The following LRRIQ3 variants were observed in gnomAD, a reference collection of about 807,000 sequenced individuals.
The protein encoded by LRRIQ3 is leucine rich repeats and IQ motif containing 3.
A neutral mutation model predicts 59.3 loss-of-function variants in LRRIQ3; 75 were observed. The observed-to-expected ratio is 1.26, with a 90% confidence interval of 1.05 to 1.53. The LOEUF (loss-of-function observed/expected upper bound fraction) is 1.53. Among genes scored for constraint, LRRIQ3 ranks in the 40% most tolerant of loss-of-function variants. The probability of loss-of-function intolerance (pLI) is 0.00; values close to 1 mark genes in which losing one functional copy is unlikely to be tolerated. For synonymous variants in LRRIQ3, 250 were observed against 231.3 expected (o/e 1.08, Z -0.73); for missense variants, 831 against 710.0 (o/e 1.17, Z -1.94).
At chr1:74,149,524 C>T (rs1050590364) in intron 4 of LRRIQ3, among the ~76,000 whole-genome samples, 6 of 152,072 alleles carry the variant, frequency 3.9e-5, no homozygotes, top group East Asian at 3.9e-4. Flanking sequence ...AAATTCTTTA[C>T]GTTGGTAATT....
At chr1:74,195,784 T>G (rs556642625) in intron 1 of LRRIQ3, among the ~76,000 whole-genome samples, 1 of 152,272 alleles carries the variant, frequency 6.6e-6, no homozygotes, top group African/African-American at 2.4e-5. Flanking sequence ...ATTGATATAT[T>G]TTACTCTGGT....
At chr1:74,180,643 ACT>A in intron 3 of LRRIQ3, 2 of 1,390,556 alleles carry the variant, frequency 1.4e-6, no homozygotes, top group Non-Finnish European at 2.0e-6. Context: ...TGAAAAGTAC[ACT>A]CAAATCTCTG....
intron 5 of LRRIQ3, among the ~76,000 whole-genome samples, chr1:74,100,299 C>T (rs764350077): frequency 1.3e-5 from 2 of 152,116 alleles, no homozygotes; most frequent in Non-Finnish European, 2.9e-5. Context: ...AGTGAACTCC[C>T]ATTCACAATT....
At chr1:74,133,463 A>G (rs1052068835) in intron 4 of LRRIQ3, among the ~76,000 whole-genome samples, 3 of 152,076 alleles carry the variant, frequency 2.0e-5, no homozygotes, top group Admixed American at 6.6e-5. Context: ...GAACCAACCC[A>G]AATGTCCAAC....
chr1:74,177,186 G>A (rs544076366), intron 3 of LRRIQ3, among the ~76,000 whole-genome samples: 1 of 152,124 alleles, frequency 6.6e-6, no homozygotes, highest in Non-Finnish European at 1.5e-5. Context: ...ATATGAAGGT[G>A]TAGGGGTTCT....
At chr1:74,105,421 T>C in intron 5 of LRRIQ3, among the ~76,000 whole-genome samples, 1 of 152,058 alleles carries the variant, frequency 6.6e-6, no homozygotes, top group Non-Finnish European at 1.5e-5. Context: ...TCAGCTAATT[T>C]TTGTATTTTT....
chr1:74,153,093 C>A (rs942450696), intron 4 of LRRIQ3, among the ~76,000 whole-genome samples: 1 of 151,924 alleles, frequency 6.6e-6, no homozygotes, highest in Non-Finnish European at 1.5e-5. Flanking sequence ...TATATTTTTT[C>A]CATTCTTTTT....
intron 3 of LRRIQ3, among the ~76,000 whole-genome samples, chr1:74,159,720 A>G (rs1264461030): frequency 6.6e-6 from 1 of 152,098 alleles, no homozygotes; most frequent in East Asian, 1.9e-4. Context: ...CTCCTGTCAG[A>G]CATTCTTTCT....
chr1:74,085,270 A>T (rs1376375156), intron 5 of LRRIQ3, among the ~76,000 whole-genome samples: 2 of 151,452 alleles, frequency 1.3e-5, no homozygotes, highest in Non-Finnish European at 3.0e-5. Context: ...TAAATAAATA[A>T]ATATTTTTTG....
intron 4 of LRRIQ3, among the ~76,000 whole-genome samples, chr1:74,131,912 A>C (rs1168313385): frequency 1.3e-5 from 2 of 152,116 alleles, no homozygotes; most frequent in Non-Finnish European, 2.9e-5. Flanking sequence ...AAGGGTATTC[A>C]ATTAGGAAAA....
chr1:74,095,520 G>A (rs969931316), intron 5 of LRRIQ3, among the ~76,000 whole-genome samples: 2 of 152,034 alleles, frequency 1.3e-5, no homozygotes, highest in Non-Finnish European at 2.9e-5. Context: ...TATGTGTTGT[G>A]AACTATTATA....
At chr1:74,122,638 G>A (rs1173284928) in intron 4 of LRRIQ3, among the ~76,000 whole-genome samples, 1 of 152,088 alleles carries the variant, frequency 6.6e-6, no homozygotes, top group Non-Finnish European at 1.5e-5. Flanking sequence ...GTAGAAAGCT[G>A]AAACTGGATG....
chr1:74,110,016 T>C (rs1162706899), intron 4 of LRRIQ3, among the ~76,000 whole-genome samples: 4 of 151,600 alleles, frequency 2.6e-5, no homozygotes, highest in Non-Finnish European at 5.9e-5. Context: ...TCTAACATAA[T>C]ATAAGCCAGA....
At chr1:74,183,738 C>T in intron 1 of LRRIQ3, 54 bp from the exon 2 acceptor site, 1 of 1,389,166 alleles carries the variant, frequency 7.2e-7, no homozygotes, top group Non-Finnish European at 9.4e-7. Context: ...AAAAATTTAC[C>T]TGAAAACAAA....
At chr1:74,060,764 T>G (rs986733925) in intron 6 of LRRIQ3, among the ~76,000 whole-genome samples, 3 of 151,898 alleles carry the variant, frequency 2.0e-5, no homozygotes, top group African/African-American at 7.3e-5. Context: ...GACCAGGACA[T>G]CAGGAAGACC....
intron 4 of LRRIQ3, among the ~76,000 whole-genome samples, chr1:74,152,005 T>G (rs566370977): frequency 8.5e-5 from 13 of 152,084 alleles, no homozygotes; most frequent in Admixed American, 2.0e-4. Context: ...AGAATTATAA[T>G]AAGAAGAAAG....
At chr1:74,110,658 G>T (rs1170439842) in intron 4 of LRRIQ3, among the ~76,000 whole-genome samples, 1 of 151,978 alleles carries the variant, frequency 6.6e-6, no homozygotes. Flanking sequence ...TTCAATAGGA[G>T]AAATAAAACT....
chr1:74,095,343 G>A (rs1191634503), intron 5 of LRRIQ3, among the ~76,000 whole-genome samples: 3 of 151,920 alleles, frequency 2.0e-5, no homozygotes, highest in African/African-American at 7.2e-5. Context: ...TCGCTATTAG[G>A]GATGATTACT....
chr1:74,185,771 G>T (rs1337126370), intron 1 of LRRIQ3, among the ~76,000 whole-genome samples: 1 of 151,600 alleles, frequency 6.6e-6, no homozygotes, highest in Non-Finnish European at 1.5e-5. Context: ...GTGAAACCCC[G>T]TCTCTACTAA....
Sources: allele counts gnomAD v4.1 joint callset (sites outside exome capture counted in the v4.1 genomes callset), GRCh38; gene constraint gnomAD v4.1.1; transcripts MANE v1.5; gene names NCBI Gene and HGNC (gene_info 2026-07-23, HGNC 2026-07-21).